Variants in GCM1 observed in about 807,000 individuals in gnomAD.
The protein encoded by GCM1 is chorion-specific transcription factor GCMa.
In GCM1, 2 loss-of-function variants were observed where a neutral mutation model predicts 25.7. The observed-to-expected ratio is 0.08, with a 90% CI of 0.03 to 0.24. The LOEUF (loss-of-function observed/expected upper bound fraction) is 0.24. GCM1 is among the 10% of genes least tolerant of loss of function. GCM1 has a pLI of 1.00. For synonymous variants in GCM1, 183 were observed against 195.7 expected (o/e 0.94, Z 0.54); for missense variants, 395 against 538.7 (o/e 0.73, Z 2.64).
At chr6:53,132,510 G>A (rs1196270305) in intron 3 of GCM1, among the ~76,000 whole-genome samples, 3 of 152,206 alleles carry the variant, frequency 2.0e-5, no homozygotes, top group African/African-American at 4.8e-5. Context: ...CCAGAAGCTC[G>A]AGACTAGCCT....
chr6:53,142,345 T>A (rs1763887898), intron 2 of GCM1, among the ~76,000 whole-genome samples: 1 of 152,118 alleles, frequency 6.6e-6, no homozygotes, highest in Non-Finnish European at 1.5e-5. Context: ...GAAAAAAGTT[T>A]CATGGTCAAA....
chr6:53,141,936 C>T (rs1763878125), intron 2 of GCM1, among the ~76,000 whole-genome samples: 1 of 125,294 alleles, frequency 8.0e-6, no homozygotes. Flanking sequence ...CCCGGGAATT[C>T]AAGGCTGTGG....
At chr6:53,141,208 A>G (rs1763868975) in intron 2 of GCM1, among the ~76,000 whole-genome samples, 1 of 152,210 alleles carries the variant, frequency 6.6e-6, no homozygotes, top group Non-Finnish European at 1.5e-5. Context: ...TAATGGCCCC[A>G]GTATCCCTGA....
Position 53,148,673 on chromosome 6 carries a change from C to T in GCM1, c.-137+81G>A, listed in dbSNP as rs574767488. On this transcript the variant is annotated intron_variant, in intron 1 of 5. Transcript: ENST00000259803. ...ATTTCTACAGAAAAATGAACTAGAA[C>T]AAATGAAACCCTGTAGGAATAGAGT... 4.6e-5 allele frequency: 7 copies of T among 152,278 alleles called. No homozygotes were observed. In the East Asian group the frequency reaches 1.3e-3, roughly 29 times the overall value. The allele number at this position is 152,278 out of a possible 1,614,324, so 9.4% of individuals were successfully genotyped here.
rs549275064 is a variant in GCM1, at chr6:53,133,879, G to A, written c.328+193C>T. Among the ~76,000 whole-genome samples, 12 of 152,314 alleles carry A rather than the reference G, an allele frequency of 7.9e-5. No individual in the cohort carries two copies. In the East Asian group the frequency reaches 2.1e-3, roughly 27 times the overall value. ...TGGGTGCTCTGGGTATGGCAGATAT[G>A]TGGGGTCCTTGCTGGAGCACAAGGG... is the stretch of plus-strand genomic sequence containing the variant. On this transcript the variant is annotated intron_variant, in intron 3 of 5. Coordinates refer to ENST00000259803, the MANE Select transcript of GCM1 (RefSeq NM_003643.4).
chr6:53,132,307 C>CA (rs1408579014), intron 3 of GCM1, among the ~76,000 whole-genome samples, 188 bp from the exon 4 acceptor site: 1 of 152,182 alleles, frequency 6.6e-6, no homozygotes, highest in African/African-American at 2.4e-5. Flanking sequence ...AAATGGCCCA[C>CA]ATGGGTCTCA....
chr6:53,130,753 C>T, intron 5 of GCM1, 50 bp downstream of exon 5: 1 of 1,533,676 alleles, frequency 6.5e-7, no homozygotes, highest in East Asian at 2.3e-5. Flanking sequence ...GCCCCCAGCA[C>T]AGGCGTGGCA....
intron 1 of GCM1, among the ~76,000 whole-genome samples, chr6:53,148,039 CT>C (rs1185065290): frequency 1.3e-5 from 2 of 152,198 alleles, no homozygotes; most frequent in Non-Finnish European, 2.9e-5. Context: ...CACGAAGTTT[CT>C]GTTCCCCAAC....
chr6:53,130,609 A>C (rs898046712), intron 5 of GCM1, among the ~76,000 whole-genome samples, 194 bp downstream of exon 5: 5 of 152,242 alleles, frequency 3.3e-5, no homozygotes, highest in Non-Finnish European at 7.3e-5. Flanking sequence ...GGTTCCCAGC[A>C]TGCTACAAAG....
At chr6:53,135,024 A>G (rs1763779493) in intron 2 of GCM1, among the ~76,000 whole-genome samples, 1 of 152,202 alleles carries the variant, frequency 6.6e-6, no homozygotes, top group Admixed American at 6.5e-5. Flanking sequence ...ACGTGCCTCA[A>G]ACATGACAAG....
At chr6:53,141,631 G>A (rs1467547544) in intron 2 of GCM1, among the ~76,000 whole-genome samples, 2 of 152,034 alleles carry the variant, frequency 1.3e-5, no homozygotes, top group African/African-American at 4.8e-5. Context: ...AGCTTGCAGT[G>A]AGCCGAGATA....
chr6:53,142,074 G>A (rs1219450241), intron 2 of GCM1, among the ~76,000 whole-genome samples: 4 of 128,914 alleles, frequency 3.1e-5, no homozygotes, highest in South Asian at 5.2e-4. Flanking sequence ...AGGAAGGAAG[G>A]AGAGAGAAAG....
chr6:53,132,265 A>G, intron 3 of GCM1, 146 bp from the exon 4 acceptor site: 3 of 638,164 alleles, frequency 4.7e-6, no homozygotes, highest in Non-Finnish European at 2.8e-6. Flanking sequence ...TCCACTAGAT[A>G]TTACCCCTGA....
intron 2 of GCM1, among the ~76,000 whole-genome samples, chr6:53,142,346 C>G (rs1763887928): frequency 6.6e-6 from 1 of 152,120 alleles, no homozygotes; most frequent in African/African-American, 2.4e-5. Flanking sequence ...AAAAAAGTTT[C>G]ATGGTCAAAA....
At chr6:53,129,794 G>A (rs538564242) in intron 5 of GCM1, among the ~76,000 whole-genome samples, 5 of 151,976 alleles carry the variant, frequency 3.3e-5, no homozygotes, top group Admixed American at 6.6e-5. Flanking sequence ...CTTTGAATTC[G>A]TGGGAATTTT....
chr6:53,138,278 C>CA (rs566559211), intron 2 of GCM1, among the ~76,000 whole-genome samples: 16,793 of 89,018 alleles, frequency 0.19, 1,430 homozygotes, highest in East Asian at 0.38. Context: ...TGCTTTGTCT[C>CA]AAAAAAAAAA....
chr6:53,142,967 A>AC (rs1363685347), intron 2 of GCM1, among the ~76,000 whole-genome samples: 1 of 150,806 alleles, frequency 6.6e-6, no homozygotes, highest in Non-Finnish European at 1.5e-5. Flanking sequence ...TTCATAATAC[A>AC]CCCCTCTGTC....
intron 3 of GCM1, among the ~76,000 whole-genome samples, chr6:53,133,477 C>A (rs568239784): frequency 7.2e-5 from 11 of 151,888 alleles, no homozygotes; most frequent in African/African-American, 2.7e-4. Flanking sequence ...TAGGCATGAG[C>A]CACAGTGCCC....
chr6:53,145,174 C>T (rs970811831), intron 2 of GCM1, among the ~76,000 whole-genome samples: 2 of 152,174 alleles, frequency 1.3e-5, no homozygotes, highest in Admixed American at 1.3e-4. Context: ...TGAGTTAAAA[C>T]TATCACTATA....
Sources: allele counts gnomAD v4.1 joint callset (sites outside exome capture counted in the v4.1 genomes callset), GRCh38; gene constraint gnomAD v4.1.1; transcripts MANE v1.5; gene names NCBI Gene and HGNC (gene_info 2026-07-23, HGNC 2026-07-21).